The following PPP1R9A variants were observed in gnomAD, a reference collection of about 807,000 sequenced individuals.
PPP1R9A encodes the protein protein phosphatase 1 regulatory subunit 9A, also known as neurabin-1.
In PPP1R9A, 59 loss-of-function variants were observed where a neutral mutation model predicts 141.9. That is an observed-to-expected ratio of 0.42 (90% CI 0.34 to 0.52). The LOEUF is 0.52. PPP1R9A is among the 20% of genes least tolerant of loss of function. The pLI is 0.10. For synonymous variants in PPP1R9A, 500 were observed against 569.7 expected, an observed-to-expected ratio of 0.88 and a Z score of 1.74; for missense variants, 1,444 against 1,611.9, an observed-to-expected ratio of 0.90 and a Z score of 1.78.
At chr7:95,217,520 G>T (rs1317953640) in intron 7 of PPP1R9A, among the ~76,000 whole-genome samples, 1 of 152,004 alleles carries the variant, frequency 6.6e-6, no homozygotes, top group Non-Finnish European at 1.5e-5. Flanking sequence ...TTTTTCTATT[G>T]ATTGGAATAG....
At chr7:95,074,487 T>G (rs563806871) in intron 2 of PPP1R9A, among the ~76,000 whole-genome samples, 59 of 151,618 alleles carry the variant, frequency 3.9e-4, no homozygotes, top group African/African-American at 1.4e-3. Flanking sequence ...TTTGTTGTTT[T>G]TTTTGAGACG....
At chr7:94,966,563 T>C (rs1333957973) in intron 2 of PPP1R9A, among the ~76,000 whole-genome samples, 2 of 152,218 alleles carry the variant, frequency 1.3e-5, no homozygotes, top group Non-Finnish European at 2.9e-5. Flanking sequence ...TCTGCATCTA[T>C]TGAGATAATC....
At chr7:95,010,941 G>C (rs1382641019) in intron 2 of PPP1R9A, among the ~76,000 whole-genome samples, 1 of 152,100 alleles carries the variant, frequency 6.6e-6, no homozygotes, top group Non-Finnish European at 1.5e-5. Context: ...TGTTGGTATT[G>C]CACGTAGAAA....
Position 95,150,199 on chromosome 7 carries a change from A to G in PPP1R9A, c.1650-11668A>G, listed in dbSNP as rs562762800. ...TGAAGAAGTACCTTACACCCTTCAC[A>G]AGAATTAACTCAAAATGAATTGCAG... On this transcript the variant is annotated intron_variant, in intron 4 of 19. Coordinates refer to ENST00000433360, the MANE Select transcript of PPP1R9A (RefSeq NM_001166160.2). 3.3e-5 allele frequency among the ~76,000 whole-genome samples: 5 copies of G among 152,342 alleles called. No homozygotes were observed. In the South Asian group the frequency reaches 1.0e-3, roughly 32 times the overall value.
intron 5 of PPP1R9A, among the ~76,000 whole-genome samples, chr7:95,166,148 C>CAA (rs201112181): frequency 9.6e-6 from 1 of 104,424 alleles, no homozygotes; most frequent in South Asian, 3.2e-4. Flanking sequence ...AACTCCATTT[C>CAA]AAAAAAAAAA....
At chr7:94,996,789 G>T in intron 2 of PPP1R9A, among the ~76,000 whole-genome samples, 1 of 143,396 alleles carries the variant, frequency 7.0e-6, no homozygotes, top group South Asian at 2.2e-4. Flanking sequence ...TTTCAGTTCA[G>T]ATACTCTGTG....
At chr7:95,242,730 A>G (rs1797625951) in intron 8 of PPP1R9A, among the ~76,000 whole-genome samples, 1 of 152,148 alleles carries the variant, frequency 6.6e-6, no homozygotes, top group Admixed American at 6.5e-5. Flanking sequence ...AGATGACTGA[A>G]GAGATGAAAA....
chr7:95,286,126 C>T (rs1341597997), intron 17 of PPP1R9A, 80 bp from the exon 18 acceptor site: 4 of 1,545,240 alleles, frequency 2.6e-6, no homozygotes, highest in Non-Finnish European at 3.5e-6. Context: ...TTAAAAGAGC[C>T]CTTTTAGAGC....
chr7:95,029,397 TA>T (rs1807340055), intron 2 of PPP1R9A, among the ~76,000 whole-genome samples: 1 of 152,218 alleles, frequency 6.6e-6, no homozygotes, highest in South Asian at 2.1e-4. Flanking sequence ...TTTTGATTTA[TA>T]AAAAATATTT....
chr7:94,960,221 C>A (rs1353225027), intron 2 of PPP1R9A, among the ~76,000 whole-genome samples: 1 of 143,258 alleles, frequency 7.0e-6, no homozygotes. Flanking sequence ...GCACAGAAAT[C>A]TTACTGTTAT....
intron 2 of PPP1R9A, among the ~76,000 whole-genome samples, chr7:95,101,810 C>T (rs1584693444): frequency 6.6e-6 from 1 of 151,956 alleles, no homozygotes; most frequent in Admixed American, 6.5e-5. Flanking sequence ...CTTTTTTTCC[C>T]GTAGTTTTGC....
At position 95,202,999 on chromosome 7, in the gene PPP1R9A, C is replaced by T. The variant is rs144807420; in HGVS notation, c.1891-666C>T. On this transcript the variant is annotated intron_variant, in intron 6 of 19. Coordinates refer to ENST00000433360, the MANE Select transcript of PPP1R9A (RefSeq NM_001166160.2). ...ATTGTAAAGTCTTAGCTATAGATAG[C>T]ATTTCAAAGTCTCCTTAGGCAGTAG... Among the ~76,000 whole-genome samples, 1,346 of 152,096 alleles carry T rather than the reference C, an allele frequency of 8.8e-3. 19 individuals carry two copies. The highest frequency in any genetic ancestry group is 0.03 in the African/African-American group (1,241 of 41,544).
At chr7:94,913,294 A>G (rs1420439659) in intron 2 of PPP1R9A, among the ~76,000 whole-genome samples, 1 of 152,138 alleles carries the variant, frequency 6.6e-6, no homozygotes, top group Non-Finnish European at 1.5e-5. Context: ...ATATGTGAAC[A>G]AACCAGCTTT....
intron 6 of PPP1R9A, among the ~76,000 whole-genome samples, chr7:95,199,557 G>A (rs942924730): frequency 2.6e-5 from 4 of 152,048 alleles, no homozygotes; most frequent in African/African-American, 9.7e-5. Flanking sequence ...GTATAATGAG[G>A]ATATATTCTC....
At chr7:94,907,726 T>G (rs1273085974) in intron 1 of PPP1R9A, 24 bp downstream of exon 1, 1 of 152,050 alleles carries the variant, frequency 6.6e-6, no homozygotes, top group Non-Finnish European at 1.5e-5. Flanking sequence ...TACCCCGGCC[T>G]TCCTCACCCC....
At chr7:95,035,856 C>T (rs928320787) in intron 2 of PPP1R9A, 7 of 152,112 alleles carry the variant, frequency 4.6e-5, no homozygotes, top group Admixed American at 1.3e-4. Context: ...TTCTGTTCTC[C>T]ATTTTTGCTT....
At chr7:95,166,729 A>G (rs189054880) in intron 5 of PPP1R9A, among the ~76,000 whole-genome samples, 120 of 152,344 alleles carry the variant, frequency 7.9e-4, no homozygotes, top group Non-Finnish European at 1.2e-3. Context: ...CTGCAGGCCA[A>G]TATTCCCAAT....
rs1002226361 is a variant in PPP1R9A at position 95,163,504 on chromosome 7, A to G, written c.1754+1533A>G. The stretch of plus-strand genomic sequence containing the variant: ...ATGCTTGCAACCAGAAGTGTTTCCG[A>G]TTTCAGATTGTTTTGGCATATTAAA... On this transcript the variant is annotated intron_variant, in intron 5 of 19. Transcript: ENST00000433360. Among the ~76,000 whole-genome samples the G allele has an allele frequency of 3.3e-5, 5 of 152,280 alleles. No individual in the cohort carries two copies. The East Asian group carries it at 9.7e-4, about 29-fold the overall frequency.
At chr7:95,277,442 T>TTGTG (rs1803409502) in intron 16 of PPP1R9A, among the ~76,000 whole-genome samples, 1 of 152,218 alleles carries the variant, frequency 6.6e-6, no homozygotes, top group African/African-American at 2.4e-5. Flanking sequence ...GTTTGTTTGT[T>TTGTG]TGTTTGAGAC....
Sources: allele counts gnomAD v4.1 joint callset (sites outside exome capture counted in the v4.1 genomes callset), GRCh38; gene constraint gnomAD v4.1.1; transcripts MANE v1.5; gene names NCBI Gene and HGNC (gene_info 2026-07-23, HGNC 2026-07-21).